Variants in TLR4 observed in about 807,000 individuals in gnomAD.
TLR4 encodes toll-like receptor 4.
In TLR4, 17 loss-of-function variants were observed where a neutral mutation model predicts 27.4. That is an observed-to-expected ratio of 0.62 (90% CI 0.42 to 0.93). The LOEUF is 0.93. TLR4 is among the 40% of genes least tolerant of loss of function. The probability of loss-of-function intolerance (pLI) is 0.00; values close to 1 mark genes in which losing one functional copy is unlikely to be tolerated. For missense variants in TLR4, 926 were observed against 962.3 expected (o/e 0.96, Z 0.50); for synonymous variants, 363 against 365.7 (o/e 0.99, Z 0.08).
rs1016596355 is a variant in TLR4, at chr9:117,721,987, C to T, written c.*7339C>T. The T allele has an allele frequency of 1.3e-5, 2 of 152,168 alleles. No homozygotes were observed. The highest frequency in any genetic ancestry group is 2.4e-5 in the African/African-American group (1 of 41,442). 9.4% of individuals were successfully genotyped at this position (152,168 alleles called of 1,614,324 possible). ...CATCCATTTAGATGTTGTGTCCATGCAATCATTTTAGTTCTCCTAGTTTCT... is the reference window on the plus strand; with the variant it reads ...CATCCATTTAGATGTTGTGTCCATGTAATCATTTTAGTTCTCCTAGTTTCT... On this transcript the variant is annotated 3_prime_UTR_variant, in exon 3 of 3. Transcript: ENST00000355622.
At chr9:117,705,611 C>G (rs1312565348) in intron 1 of TLR4, among the ~76,000 whole-genome samples, 1 of 152,176 alleles carries the variant, frequency 6.6e-6, no homozygotes, top group Non-Finnish European at 1.5e-5. Flanking sequence ...TGAAGCCTGT[C>G]CATCCCTGCC....
At position 117,712,716 on chromosome 9, in the gene TLR4, G is replaced by T. The variant is rs778458544; in HGVS notation, c.588G>T (p.Arg196=). The change falls in exon 3 of 3, where the codon CGG becomes CGT. Residue 196 remains arginine, a synonymous_variant. Coordinates refer to ENST00000355622, the MANE Select transcript of TLR4 (RefSeq NM_138554.5). ...KIQSIYCTDL[R]VLHQMPLLNL... ...AAAGTATTTATTGCACAGACTTGCGGGTTCTACATCAAATGCCCCTACTCA... is the reference window on the plus strand; with the variant it reads ...AAAGTATTTATTGCACAGACTTGCGTGTTCTACATCAAATGCCCCTACTCA... The T allele has an allele frequency of 1.2e-6, 2 of 1,614,038 alleles. No individual in the cohort carries two copies. The highest frequency in any genetic ancestry group is 1.7e-6 in the Non-Finnish European group (2 of 1,179,986).
rs1411330592 is a variant in TLR4, at chr9:117,720,951, G to T, written c.*6303G>T. The T allele has an allele frequency of 6.6e-6, 1 of 151,750 alleles. No homozygotes were observed. Among genetic ancestry groups the T allele is most frequent in the East Asian group, 1.9e-4 (1 of 5,168 alleles). The allele number at this position is 151,750 out of a possible 1,614,324, so 9.4% of individuals were successfully genotyped here. On this transcript the variant is annotated 3_prime_UTR_variant, in exon 3 of 3. Transcript: ENST00000355622. ...GGAATAAACACTCTTTCTATTTGTG[G>T]GATTCCCTAGGAGACACTATATAAA...
rs1357025935 is a variant in TLR4, at chr9:117,723,013, A to C, written c.*8365A>C. 1 of 152,240 alleles carries C rather than the reference A, an allele frequency of 6.6e-6. No homozygotes were observed. Among genetic ancestry groups the C allele is most frequent in the Non-Finnish European group, 1.5e-5 (1 of 68,046 alleles). The allele number at this position is 152,240 out of a possible 1,614,324, so 9.4% of individuals were successfully genotyped here. A position where few individuals can be genotyped will look rare whatever the true frequency, so the allele number is the denominator to read the frequency against. Reference sequence around the variant, plus strand: ...GTATGCAGATTTGGAAAAATTTTGAAGGTGTCACAAGAAAGATTGGCAGTC... The same window carrying C: ...GTATGCAGATTTGGAAAAATTTTGACGGTGTCACAAGAAAGATTGGCAGTC... On this transcript the variant is annotated 3_prime_UTR_variant, in exon 3 of 3. Coordinates refer to ENST00000355622, the MANE Select transcript of TLR4 (RefSeq NM_138554.5).
Position 117,713,487 on chromosome 9 carries a change from C to T in TLR4, c.1359C>T (p.Asp453=). Reference sequence around the variant, plus strand: ...CACTCAGAAACCTCATTTACCTTGACATTTCTCATACTCACACCAGAGTTG... The same window carrying T: ...CACTCAGAAACCTCATTTACCTTGATATTTCTCATACTCACACCAGAGTTG... The part of the protein sequence containing the change: ...FLSLRNLIYL[D]ISHTHTRVAF... Residue 453 remains aspartate (D), a synonymous_variant, in exon 3 of 3, where the codon GAC becomes GAT. Transcript: ENST00000355622. 1 of 1,614,126 alleles carries T rather than the reference C, an allele frequency of 6.2e-7. No homozygotes were observed. Among genetic ancestry groups the T allele is most frequent in the Non-Finnish European group, 8.5e-7 (1 of 1,180,024 alleles).
In TLR4 at chr9:117,713,330, T is replaced by C. The variant is rs777887873; in HGVS notation, c.1202T>C (p.Leu401Pro). 1 of 1,614,088 alleles carries C rather than the reference T, an allele frequency of 6.2e-7. No homozygotes were observed. The highest frequency in any genetic ancestry group is 8.5e-7 in the Non-Finnish European group (1 of 1,180,008). Residue 401 changes from leucine to proline, a missense_variant, in exon 3 of 3, where the codon CTA becomes CCA. Physicochemically the swap from Leu to Pro is moderately conservative, Grantham distance 98. Transcript: ENST00000355622. ...CSQSDFGTTS[L>P]KYLDLSFNGV... ...CAAAGTGATTTTGGGACAACCAGCC[T>C]AAAGTATTTAGATCTGAGCTTCAAT... is the stretch of plus-strand genomic sequence containing the variant.
chr9:117,714,005 C>T lies in TLR4; in HGVS notation c.1877C>T (p.Thr626Ile), dbSNP rs201055270. 5.9e-5 allele frequency: 95 copies of T among 1,613,864 alleles called. No individual in the cohort carries two copies. The highest frequency in any genetic ancestry group is 7.9e-5 in the Non-Finnish European group (93 of 1,179,994). ...QGMPVLSLNI[T>I]CQMNKTIIGV... is the part of the protein sequence containing the mutation. ...ATGCCTGTGCTGAGTTTGAATATCA[C>T]CTGTCAGATGAATAAGACCATCATT... The change falls in exon 3 of 3, where the codon ACC becomes ATC. Residue 626 changes from threonine to isoleucine, a missense_variant. Transcript: ENST00000355622.
chr9:117,717,598 A>T lies in TLR4; in HGVS notation c.*2950A>T, dbSNP rs1829373636. ...AACTAACATACATACATGATTGTTTATCTACAGATGTATGCCTCAGTTTCT... is the reference window on the plus strand; with the variant it reads ...AACTAACATACATACATGATTGTTTTTCTACAGATGTATGCCTCAGTTTCT... On this transcript the variant is annotated 3_prime_UTR_variant, in exon 3 of 3. Coordinates refer to ENST00000355622, the MANE Select transcript of TLR4 (RefSeq NM_138554.5). The T allele has an allele frequency of 6.6e-6, 1 of 152,182 alleles. No homozygotes were observed. Among genetic ancestry groups the T allele is most frequent in the Non-Finnish European group, 1.5e-5 (1 of 68,024 alleles). The allele number at this position is 152,182 out of a possible 1,614,324, so 9.4% of individuals were successfully genotyped here.
chr9:117,714,569 C>A lies in TLR4; in HGVS notation c.2441C>A (p.Ala814Asp), dbSNP rs2131173770. The change falls in exon 3 of 3, where the codon GCC (alanine) becomes GAC (aspartate). Residue 814 changes from alanine (A) to aspartate (D), a missense_variant. By Grantham distance (126) the Ala-to-Asp change is moderately radical. Transcript: ENST00000355622. The part of the protein sequence containing the change: ...RHIFWRRLRK[A>D]LLDGKSWNPE... ...ATCTTCTGGAGACGACTCAGAAAAG[C>A]CCTGCTGGATGGTAAATCATGGAAT... The A allele has an allele frequency of 6.2e-7, 1 of 1,613,844 alleles. No individual in the cohort carries two copies. The highest frequency in any genetic ancestry group is 8.5e-7 in the Non-Finnish European group (1 of 1,179,992).
intron 1 of TLR4, 196 bp from the exon 2 acceptor site, chr9:117,708,367 G>A: frequency 2.8e-6 from 4 of 1,417,292 alleles, no homozygotes; most frequent in African/African-American, 1.4e-5. Flanking sequence ...CTAATCTAGA[G>A]TAAGACAATT....
Position 117,704,553 on chromosome 9 carries a change from G to T in TLR4, c.81G>T (p.Glu27Asp). 2 of 1,613,864 alleles carry T rather than the reference G, an allele frequency of 1.2e-6. No individual in the cohort carries two copies. Among genetic ancestry groups the T allele is most frequent in the Non-Finnish European group, 1.7e-6 (2 of 1,179,896 alleles). Residue 27 changes from glutamate to aspartate, a missense_variant, in exon 1 of 3, where the codon GAG (glutamate) becomes GAT (aspartate). Glu to Asp is a conservative substitution (Grantham distance 45). Coordinates refer to ENST00000355622, the MANE Select transcript of TLR4 (RefSeq NM_138554.5). ...FLSCVRPESW[E>D]PCVEVVPNIT... ...CCTGCGTGAGACCAGAAAGCTGGGA[G>T]CCCTGCGTGGAGGTATGTGGCTGGA...
chr9:117,711,399 C>T (rs1829228955), intron 2 of TLR4, among the ~76,000 whole-genome samples: 1 of 152,216 alleles, frequency 6.6e-6, no homozygotes, highest in African/African-American at 2.4e-5. Flanking sequence ...TGTTTGCTGG[C>T]TGCATCAAAG....
intron 1 of TLR4, chr9:117,708,213 C>T: frequency 6.6e-6 from 7 of 1,064,316 alleles, no homozygotes; most frequent in Non-Finnish European, 8.0e-6. Context: ...GGCCCTAAAC[C>T]ACACAGAAGA....
rs1471159577 is a variant in TLR4, at chr9:117,713,397, A to G, written c.1269A>G (p.Gln423=). Residue 423 remains glutamine (Q), a synonymous_variant, in exon 3 of 3, where the codon CAA becomes CAG. Transcript: ENST00000355622. Reference sequence around the variant, plus strand: ...GTTCAAACTTCTTGGGCTTAGAACAACTAGAACATCTGGATTTCCAGCATT... The same window carrying G: ...GTTCAAACTTCTTGGGCTTAGAACAGCTAGAACATCTGGATTTCCAGCATT... ...TMSSNFLGLE[Q]LEHLDFQHSN... 1.2e-6 allele frequency: 2 copies of G among 1,614,080 alleles called. No individual in the cohort carries two copies. Among genetic ancestry groups the G allele is most frequent in the East Asian group, 2.2e-5 (1 of 44,872 alleles).
At position 117,719,278 on chromosome 9, in the gene TLR4, A is replaced by G. The variant is rs1210672212; in HGVS notation, c.*4630A>G. On this transcript the variant is annotated 3_prime_UTR_variant, in exon 3 of 3. Transcript: ENST00000355622. ...CACATCAATGAATTAGAAAGATACG[A>G]AAGTATTTCCAATTTACAAATGAGG... 1 of 152,210 alleles carries G rather than the reference A, an allele frequency of 6.6e-6. No homozygotes were observed. The highest frequency in any genetic ancestry group is 1.5e-5 in the Non-Finnish European group (1 of 68,028). The allele number at this position is 152,210 out of a possible 1,614,324, so 9.4% of individuals were successfully genotyped here.
Position 117,719,885 on chromosome 9 carries a change from G to A in TLR4, c.*5237G>A, listed in dbSNP as rs1829403384. 6.6e-6 allele frequency: 1 copy of A among 152,158 alleles called. No individual in the cohort carries two copies. 9.4% of individuals were successfully genotyped at this position (152,158 alleles called of 1,614,324 possible). A position where few individuals can be genotyped will look rare whatever the true frequency, so the allele number is the denominator to read the frequency against. ...ACCAACTATATTGAGCACCATGCGTGATCATCTGATCGTTACTGCTACCTT... is the reference window on the plus strand; with the variant it reads ...ACCAACTATATTGAGCACCATGCGTAATCATCTGATCGTTACTGCTACCTT... On this transcript the variant is annotated 3_prime_UTR_variant, in exon 3 of 3. Transcript: ENST00000355622.
In TLR4 at chr9:117,714,871, A is replaced by G; in HGVS notation, c.*223A>G. 2 of 580,270 alleles carry G rather than the reference A, an allele frequency of 3.4e-6. No individual in the cohort carries two copies. The highest frequency in any genetic ancestry group is 6.1e-6 in the Non-Finnish European group (2 of 325,350). The allele number at this position is 580,270 out of a possible 1,614,324, so 35.9% of individuals were successfully genotyped here. On this transcript the variant is annotated 3_prime_UTR_variant, in exon 3 of 3. Transcript: ENST00000355622. Reference sequence around the variant, plus strand: ...AGTCTTCCAGGTGGGCATTTCAACCAACTCAGTCAAGGAACCCATGACAAA... The same window carrying G: ...AGTCTTCCAGGTGGGCATTTCAACCGACTCAGTCAAGGAACCCATGACAAA...
intron 1 of TLR4, among the ~76,000 whole-genome samples, chr9:117,706,221 G>A (rs1413126112): frequency 6.6e-6 from 1 of 152,094 alleles, no homozygotes; most frequent in African/African-American, 2.4e-5. Context: ...TCCTTTTCAT[G>A]CTTTAATCAC....
chr9:117,710,388 C>G (rs1829211487), intron 2 of TLR4, among the ~76,000 whole-genome samples: 1 of 150,126 alleles, frequency 6.7e-6, no homozygotes, highest in Admixed American at 6.7e-5. Context: ...CCATTATGTT[C>G]TAAATTTCAG....
Sources: gnomAD v4.1 joint callset for allele counts (sites outside exome capture counted in the v4.1 genomes callset) on GRCh38, gnomAD v4.1.1 for gene constraint, MANE v1.5 for transcripts, NCBI Gene and HGNC (gene_info 2026-07-23, HGNC 2026-07-21) for gene names.